LYPD6: variants seen among roughly 807,000 people sequenced by gnomAD.
LYPD6 encodes LY6/PLAUR domain containing 6.
LYPD6 carries 15 observed loss-of-function variants against 22.7 expected under a neutral mutation model. The ratio of observed to expected loss-of-function variants is 0.66; its 90% CI spans 0.44 to 1.02. The LOEUF is 1.02. Ranked by LOEUF, LYPD6 falls within the 50% of genes least tolerant of loss-of-function variation. The pLI, the probability that LYPD6 is intolerant of heterozygous loss-of-function variation, is 0.00. For synonymous variants in LYPD6, 72 were observed against 77.5 expected, an observed-to-expected ratio of 0.93 and a Z score of 0.37; for missense variants, 189 against 208.4, an observed-to-expected ratio of 0.91 and a Z score of 0.57.
intron 1 of LYPD6, among the ~76,000 whole-genome samples, chr2:149,432,298 A>G (rs575155159): frequency 2.0e-5 from 3 of 152,392 alleles, no homozygotes; most frequent in South Asian, 4.1e-4. Context: ...AAACATGTAC[A>G]TGAATGTTAG....
Position 149,470,932 on chromosome 2 carries a change from G to A in LYPD6, c.*82G>A. On this transcript the variant is annotated 3_prime_UTR_variant, in exon 5 of 5. Transcript: ENST00000334166. ...ACCTGCATGAGTCATTGGCCTGACAGTAATTACACATGTGAGACACAACAC... is the reference window on the plus strand; with the variant it reads ...ACCTGCATGAGTCATTGGCCTGACAATAATTACACATGTGAGACACAACAC... 3 of 1,273,074 alleles carry A rather than the reference G, an allele frequency of 2.4e-6. No homozygotes were observed. The highest frequency in any genetic ancestry group is 3.3e-6 in the Non-Finnish European group (3 of 899,490). 78.9% of individuals were successfully genotyped at this position (1,273,074 alleles called of 1,614,324 possible).
chr2:149,387,839 A>C (rs1682220942), intron 1 of LYPD6, among the ~76,000 whole-genome samples: 1 of 152,234 alleles, frequency 6.6e-6, no homozygotes. Flanking sequence ...TTGTCTTTGC[A>C]TGTAGTGCAT....
At position 149,437,705 on chromosome 2, in the gene LYPD6, T is replaced by G; in HGVS notation, c.-4T>G. 1 of 1,614,070 alleles carries G rather than the reference T, an allele frequency of 6.2e-7. No individual in the cohort carries two copies. The highest frequency in any genetic ancestry group is 8.5e-7 in the Non-Finnish European group (1 of 1,179,994). On this transcript the variant is annotated 5_prime_UTR_variant, in exon 2 of 5. Transcript: ENST00000334166. ...CCTCTGTATGAGTGACACTTCAGTC[T>G]GCCATGGAACCTGGCCCTGCTCTGG...
Position 149,413,179 on chromosome 2 carries a change from A to G in LYPD6, c.-71-24459A>G, listed in dbSNP as rs76138369. On this transcript the variant is annotated intron_variant, in intron 1 of 4. Transcript: ENST00000334166. ...AAACTGAGGATATTTGGGAGTCCCG[A>G]ACTGGGTCCTCCAGACACCCTCTGT... Among the ~76,000 whole-genome samples, 453 of 152,242 alleles carry G rather than the reference A, an allele frequency of 3.0e-3. 3 individuals carry two copies. Among genetic ancestry groups the G allele is most frequent in the African/African-American group, 0.011 (441 of 41,556 alleles).
chr2:149,406,332 G>T (rs538686627), intron 1 of LYPD6, among the ~76,000 whole-genome samples: 1 of 152,046 alleles, frequency 6.6e-6, no homozygotes, highest in Admixed American at 6.5e-5. Context: ...TGACAGTGGG[G>T]TGTTAAAGTC....
chr2:149,445,698 A>C (rs1395740958), intron 2 of LYPD6, among the ~76,000 whole-genome samples: 1 of 152,156 alleles, frequency 6.6e-6, no homozygotes, highest in Non-Finnish European at 1.5e-5. Flanking sequence ...AAGAGTTAGG[A>C]CCTTGACTTG....
At chr2:149,453,404 G>A (rs1052711586) in intron 3 of LYPD6, among the ~76,000 whole-genome samples, 1 of 152,182 alleles carries the variant, frequency 6.6e-6, no homozygotes, top group African/African-American at 2.4e-5. Flanking sequence ...TTGTTTTGTG[G>A]AGGATAGCTA....
intron 1 of LYPD6, among the ~76,000 whole-genome samples, chr2:149,368,623 A>G (rs1399783301): frequency 3.3e-5 from 5 of 152,172 alleles, no homozygotes; most frequent in African/African-American, 1.2e-4. Flanking sequence ...GGGATTTTGG[A>G]CTTTACCTTA....
the LYPD6 span, among the ~76,000 whole-genome samples, chr2:149,485,509 C>G: frequency 6.6e-6 from 1 of 152,252 alleles, no homozygotes; most frequent in Admixed American, 6.5e-5. Context: ...ACATGCTTTC[C>G]TCTCTACCTG....
chr2:149,401,846 T>C (rs866470742), intron 1 of LYPD6, among the ~76,000 whole-genome samples: 11 of 152,084 alleles, frequency 7.2e-5, no homozygotes, highest in African/African-American at 2.4e-4. Context: ...CTGCATAGTC[T>C]TTTATCCCTT....
At position 149,437,602 on chromosome 2, in the gene LYPD6, G is replaced by C. The variant is rs539315443; in HGVS notation, c.-71-36G>C. The stretch of plus-strand genomic sequence containing the variant: ...GCCAAGCCTCCTGTGGCTTTCTCCA[G>C]TCGATCACTGAGATGATTCTTTCTT... On this transcript the variant is annotated intron_variant, in intron 1 of 4. Coordinates refer to ENST00000334166, the MANE Select transcript of LYPD6 (RefSeq NM_194317.5). 2.7e-5 allele frequency: 42 copies of C among 1,551,170 alleles called. No homozygotes were observed. The Admixed American group carries it at 7.3e-4, about 27-fold the overall frequency.
At chr2:149,450,050 T>G (rs1573818019) in intron 3 of LYPD6, among the ~76,000 whole-genome samples, 1 of 152,106 alleles carries the variant, frequency 6.6e-6, no homozygotes. Flanking sequence ...AAACCAAAAT[T>G]AAAGGAAACA....
At chr2:149,389,677 T>C (rs1682267362) in intron 1 of LYPD6, among the ~76,000 whole-genome samples, 1 of 152,164 alleles carries the variant, frequency 6.6e-6, no homozygotes, top group Non-Finnish European at 1.5e-5. Flanking sequence ...AGGTTTGGTA[T>C]CTTTATTTTT....
intron 1 of LYPD6, among the ~76,000 whole-genome samples, chr2:149,393,575 C>T (rs1682362162): frequency 6.6e-6 from 1 of 152,210 alleles, no homozygotes; most frequent in East Asian, 1.9e-4. Context: ...GCAGCCTCAC[C>T]AAGATGGAGC....
At chr2:149,356,584 G>T (rs1681454431) in intron 1 of LYPD6, among the ~76,000 whole-genome samples, 1 of 152,148 alleles carries the variant, frequency 6.6e-6, no homozygotes, top group Admixed American at 6.6e-5. Context: ...GTAGACAGGA[G>T]GAGAATTTCT....
chr2:149,420,416 C>A (rs1402020571), intron 1 of LYPD6, among the ~76,000 whole-genome samples: 1 of 152,118 alleles, frequency 6.6e-6, no homozygotes, highest in Non-Finnish European at 1.5e-5. Flanking sequence ...CCGCTGGCTA[C>A]CTTTAGAGTA....
intron 3 of LYPD6, among the ~76,000 whole-genome samples, chr2:149,451,145 G>T (rs1683797469): frequency 6.6e-6 from 1 of 152,170 alleles, no homozygotes; most frequent in South Asian, 2.1e-4. Flanking sequence ...GGTGCCGGCA[G>T]GTTCTAGAAG....
At chr2:149,418,708 G>A (rs1177033056) in intron 1 of LYPD6, among the ~76,000 whole-genome samples, 6 of 152,178 alleles carry the variant, frequency 3.9e-5, no homozygotes, top group South Asian at 2.1e-4. Flanking sequence ...GGCAAAGTGC[G>A]AGTACCCCAG....
intron 1 of LYPD6, among the ~76,000 whole-genome samples, chr2:149,405,329 C>G (rs916824147): frequency 6.6e-6 from 1 of 152,134 alleles, no homozygotes; most frequent in African/African-American, 2.4e-5. Context: ...CTCCTTGTAC[C>G]TCTGGTAGAA....
Sources: allele counts gnomAD v4.1 joint callset (sites outside exome capture counted in the v4.1 genomes callset), GRCh38; gene constraint gnomAD v4.1.1; transcripts MANE v1.5; gene names NCBI Gene and HGNC (gene_info 2026-07-23, HGNC 2026-07-21).